The following PPP2R5B variants were observed in gnomAD, a reference collection of about 807,000 sequenced individuals.
PPP2R5B encodes protein phosphatase 2 regulatory subunit B'beta.
In PPP2R5B, 19 loss-of-function variants were observed where a neutral mutation model predicts 59.9. That is an observed-to-expected ratio of 0.32 (90% CI 0.22 to 0.47). The LOEUF (loss-of-function observed/expected upper bound fraction) is 0.47, where lower values mean the gene tolerates loss of function less well. PPP2R5B is among the 20% of genes least tolerant of loss of function. The pLI is 1.00. For missense variants in PPP2R5B, 441 were observed against 640.2 expected, an observed-to-expected ratio of 0.69 and a Z score of 3.36; for synonymous variants, 286 against 260.5, an observed-to-expected ratio of 1.10 and a Z score of -0.94.
Position 64,928,134 on chromosome 11 carries a change from T to G in PPP2R5B, c.567T>G (p.Tyr189Ter). 1 of 1,614,192 alleles carries G rather than the reference T, an allele frequency of 6.2e-7. No homozygotes were observed. Among genetic ancestry groups the G allele is most frequent in the Non-Finnish European group, 8.5e-7 (1 of 1,180,028 alleles). Residue 189 changes from tyrosine (Y) to a stop codon, truncating the protein, a stop_gained, in exon 5 of 14, where the codon TAT becomes TAG. Coordinates refer to ENST00000164133, the MANE Select transcript of PPP2R5B (RefSeq NM_006244.4). LOFTEE classifies it high-confidence loss of function. ...PDFQPSVAKR[Y>*]VDQKFVLMLL... ...TCCAGCCCTCCGTGGCCAAGAGATA[T>G]GTGGATCAAAAGTTTGTCCTGATGG...
chr11:64,927,004 A>G, intron 3 of PPP2R5B, 96 bp downstream of exon 3: 2 of 1,416,208 alleles, frequency 1.4e-6, no homozygotes, highest in South Asian at 1.3e-5. Context: ...ATAACCCTGT[A>G]CTCATCGGCT....
chr11:64,929,713 G>A (rs1565103358), intron 6 of PPP2R5B, among the ~76,000 whole-genome samples: 4 of 152,282 alleles, frequency 2.6e-5, no homozygotes, highest in Admixed American at 6.5e-5. Flanking sequence ...GCGACAGAGC[G>A]AGATTCCATC....
chr11:64,926,719 G>T lies in PPP2R5B; in HGVS notation c.207G>T (p.Pro69=). 1 of 1,613,950 alleles carries T rather than the reference G, an allele frequency of 6.2e-7. No homozygotes were observed. Residue 69 remains proline (P), a synonymous_variant, in exon 3 of 14, where the codon CCG becomes CCT. Coordinates refer to ENST00000164133, the MANE Select transcript of PPP2R5B (RefSeq NM_006244.4). ...LTPLPLLKDV[P]ASELHELLSR... ...ATGCCCTCTCCTCCCCAGATGTGCC[G>T]GCTTCCGAGCTGCACGAGCTGCTGA...
intron 1 of PPP2R5B, among the ~76,000 whole-genome samples, chr11:64,918,932 G>A (rs772418326): frequency 1.7e-4 from 26 of 152,322 alleles, no homozygotes; most frequent in Non-Finnish European, 3.5e-4. Flanking sequence ...TTCTCCTCTT[G>A]TGACCCTCAG....
chr11:64,923,044 C>G (rs1420414648), upstream of PPP2R5B: 2 of 152,272 alleles, frequency 1.3e-5, no homozygotes, highest in Admixed American at 6.5e-5. Context: ...ACTGCAGCCT[C>G]TAACTCCTGG....
Position 64,925,396 on chromosome 11 carries a change from G to A in PPP2R5B, c.-264-75G>A, listed in dbSNP as rs942152156. On this transcript the variant is annotated intron_variant, in intron 1 of 13. Coordinates refer to ENST00000164133, the MANE Select transcript of PPP2R5B (RefSeq NM_006244.4). The surrounding 1 kb of genome is among the most constrained non-coding windows in gnomAD (Gnocchi z 4.6). ...ACCTGGGCACTCCACGCAGCCTCCCGGCTCTCCTGAGGAACTGATGGGCTT... is the reference window on the plus strand; with the variant it reads ...ACCTGGGCACTCCACGCAGCCTCCCAGCTCTCCTGAGGAACTGATGGGCTT... 17 of 234,052 alleles carry A rather than the reference G, an allele frequency of 7.3e-5. No homozygotes were observed. Among genetic ancestry groups the A allele is most frequent in the South Asian group, 5.3e-5 (1 of 18,900 alleles). The allele number at this position is 234,052 out of a possible 1,614,324, so 14.5% of individuals were successfully genotyped here. A position where few individuals can be genotyped will look rare whatever the true frequency, so the allele number is the denominator to read the frequency against.
chr11:64,927,751 G>A, intron 3 of PPP2R5B, 51 bp from the exon 4 acceptor site: 1 of 1,375,084 alleles, frequency 7.3e-7, no homozygotes, highest in African/African-American at 1.4e-5. Flanking sequence ...AGACTCCCTG[G>A]CTTCTGTCTT....
intron 1 of PPP2R5B, among the ~76,000 whole-genome samples, chr11:64,919,576 C>CAA (rs71471962): frequency 2.0e-4 from 28 of 139,486 alleles, no homozygotes; most frequent in East Asian, 6.1e-4. Context: ...CCTGTGTCTA[C>CAA]AAAAAAAAAA....
upstream of PPP2R5B, among the ~76,000 whole-genome samples, chr11:64,921,484 G>A (rs1945109883): frequency 6.6e-6 from 1 of 152,200 alleles, no homozygotes; most frequent in Non-Finnish European, 1.5e-5. Context: ...AGACCTCAGG[G>A]GCCCTGAAGG....
chr11:64,932,723 A>C (rs1446193354), intron 11 of PPP2R5B, 42 bp from the exon 12 acceptor site: 1 of 1,603,776 alleles, frequency 6.2e-7, no homozygotes, highest in East Asian at 2.2e-5. Flanking sequence ...CACAGAGAGA[A>C]GCCACTGCCA....
upstream of PPP2R5B, among the ~76,000 whole-genome samples, chr11:64,919,691 G>C (rs1270566782): frequency 6.6e-6 from 1 of 152,074 alleles, no homozygotes; most frequent in Non-Finnish European, 1.5e-5. Context: ...CTGCACTCCG[G>C]CCTCGGTGAC....
Position 64,931,662 on chromosome 11 carries a change from T to G in PPP2R5B, c.996+53T>G, listed in dbSNP as rs1336529107. ...AGAGGGAGGCTGGGAGGGCTCGGCC[T>G]CTAGAAGGCAGTCAGGTGTGTGTAT... is the stretch of plus-strand genomic sequence containing the variant. On this transcript the variant is annotated intron_variant, in intron 10 of 13. Coordinates refer to ENST00000164133, the MANE Select transcript of PPP2R5B (RefSeq NM_006244.4). The surrounding 1 kb of genome is among the most constrained non-coding windows in gnomAD (Gnocchi z 5.0). The G allele has an allele frequency of 6.8e-6, 11 of 1,613,606 alleles. No homozygotes were observed. Among genetic ancestry groups the G allele is most frequent in the Non-Finnish European group, 8.5e-6 (10 of 1,179,926 alleles).
chr11:64,931,726 A>T lies in PPP2R5B; in HGVS notation c.997-23A>T. 1 of 1,612,810 alleles carries T rather than the reference A, an allele frequency of 6.2e-7. No individual in the cohort carries two copies. The highest frequency in any genetic ancestry group is 8.5e-7 in the Non-Finnish European group (1 of 1,179,736). On this transcript the variant is annotated intron_variant, in intron 10 of 13. Coordinates refer to ENST00000164133, the MANE Select transcript of PPP2R5B (RefSeq NM_006244.4). This position sits in a 1 kb window ranked among gnomAD's most constrained non-coding sequence, Gnocchi z 5.0. ...TGTGAGCTGCTGCCCCTCTGTCCCTACTCCCCTCCCCAACCCACCCAGGTG... is the reference window on the plus strand; with the variant it reads ...TGTGAGCTGCTGCCCCTCTGTCCCTTCTCCCCTCCCCAACCCACCCAGGTG...
upstream of PPP2R5B, among the ~76,000 whole-genome samples, chr11:64,923,463 G>A (rs1945127977): frequency 6.6e-6 from 1 of 152,236 alleles, no homozygotes; most frequent in Non-Finnish European, 1.5e-5. Flanking sequence ...GGCAAGGCCT[G>A]CCGGAGGTTC....
chr11:64,920,943 CTATA>C (rs59230229), upstream of PPP2R5B, among the ~76,000 whole-genome samples: 6,346 of 134,928 alleles, frequency 0.047, 475 homozygotes, highest in African/African-American at 0.16. Flanking sequence ...TCCAGCAGTT[CTATA>C]TATATATATA....
upstream of PPP2R5B, among the ~76,000 whole-genome samples, chr11:64,919,718 T>A (rs1189651174): frequency 6.8e-6 from 1 of 147,528 alleles, no homozygotes; most frequent in Admixed American, 6.8e-5. Flanking sequence ...AGATCTTGTC[T>A]AAAAAAAAAA....
rs1565107190 is a variant in PPP2R5B, at chr11:64,933,176, A to C, written c.1276A>C (p.Lys426Gln). The change falls in exon 13 of 14, where the codon AAG (lysine) becomes CAG (glutamine). Residue 426 changes from lysine (K) to glutamine (Q), a missense_variant. Transcript: ENST00000164133. ...TIVSLIYNVL[K>Q]TFMEMNGKLF... ...CGTATCACTGATCTACAATGTGCTC[A>C]AGACCTTCATGGAGATGAATGGGAA... 6.2e-7 allele frequency: 1 copy of C among 1,613,320 alleles called. No individual in the cohort carries two copies.
rs771609836 is a variant in PPP2R5B, at chr11:64,926,951, C to T, written c.396+43C>T. On this transcript the variant is annotated intron_variant, in intron 3 of 13. Coordinates refer to ENST00000164133, the MANE Select transcript of PPP2R5B (RefSeq NM_006244.4). ...AGGCTCCGAGGGCCGGCCGAGAGGG[C>T]GTGTGAGCCCCGTTTCCTGTCCGCA... The T allele has an allele frequency of 1.6e-5, 26 of 1,590,884 alleles. No individual in the cohort carries two copies. The South Asian group carries it at 2.1e-4, about 13-fold the overall frequency.
rs1195721151 is a variant in PPP2R5B at position 64,931,465 on chromosome 11, G to A, written c.921G>A (p.Glu307=). The A allele has an allele frequency of 7.4e-6, 12 of 1,614,152 alleles. No homozygotes were observed. The South Asian group carries it at 9.9e-5, about 13-fold the overall frequency. The change falls in exon 9 of 14, where the codon GAG becomes GAA. Residue 307 remains glutamate, a synonymous_variant. Coordinates refer to ENST00000164133, the MANE Select transcript of PPP2R5B (RefSeq NM_006244.4). This position sits in a 1 kb window ranked among gnomAD's most constrained non-coding sequence, Gnocchi z 5.0. ...CATACTGTGTGGTGCAGTTCCTGGA[G>A]AAGGATGCCACTCTGACAGAGCACG... The part of the protein sequence containing the change: ...QLAYCVVQFL[E]KDATLTEHVI...
Sources: gnomAD v4.1 joint callset for allele counts (sites outside exome capture counted in the v4.1 genomes callset) on GRCh38, gnomAD v4.1.1 for gene constraint, Gnocchi (gnomAD v3.1) non-coding constraint, MANE v1.5 for transcripts, NCBI Gene and HGNC (gene_info 2026-07-23, HGNC 2026-07-21) for gene names.